LRRC4C: variants seen among roughly 807,000 people sequenced by gnomAD.
The protein encoded by LRRC4C is leucine-rich repeat-containing protein 4C.
Under a neutral mutation model 33.6 loss-of-function variants are expected in LRRC4C, and 5 were observed. The observed-to-expected ratio is 0.15, with a 90% confidence interval of 0.08 to 0.31. The LOEUF is 0.31. Among genes scored for constraint, LRRC4C ranks in the 10% least tolerant of loss-of-function variants. The pLI is 1.00. For missense variants in LRRC4C, 560 were observed against 796.7 expected (o/e 0.70, Z 3.58); for synonymous variants, 329 against 302.0 (o/e 1.09, Z -0.93).
intron 3 of LRRC4C, among the ~76,000 whole-genome samples, chr11:40,554,656 C>T (rs1460922461): frequency 6.6e-6 from 1 of 151,180 alleles, no homozygotes; most frequent in Non-Finnish European, 1.5e-5. Flanking sequence ...TTTTGTAGCT[C>T]TCCTTGTAAA....
At chr11:40,576,337 G>T (rs1336518449) in intron 3 of LRRC4C, among the ~76,000 whole-genome samples, 4 of 152,148 alleles carry the variant, frequency 2.6e-5, no homozygotes, top group Non-Finnish European at 4.4e-5. Context: ...CAAGACCTTT[G>T]GTCACTGTCT....
At chr11:40,584,282 T>G (rs571958619) in intron 3 of LRRC4C, among the ~76,000 whole-genome samples, 2 of 148,634 alleles carry the variant, frequency 1.3e-5, no homozygotes, top group East Asian at 4.1e-4. Flanking sequence ...CTATGACCTC[T>G]ATCATCCAGA....
At chr11:41,150,274 T>C (rs1053849915) in intron 1 of LRRC4C, among the ~76,000 whole-genome samples, 3 of 152,216 alleles carry the variant, frequency 2.0e-5, no homozygotes, top group African/African-American at 7.2e-5. Flanking sequence ...TATGAATGCC[T>C]ACTTAAACTT....
At chr11:40,495,007 T>C (rs1270672249) in intron 3 of LRRC4C, among the ~76,000 whole-genome samples, 3 of 152,210 alleles carry the variant, frequency 2.0e-5, no homozygotes, top group Non-Finnish European at 2.9e-5. Flanking sequence ...ACACATAAAG[T>C]TCAGCACAGT....
chr11:40,592,406 G>T (rs1219191743), intron 3 of LRRC4C, among the ~76,000 whole-genome samples: 1 of 152,140 alleles, frequency 6.6e-6, no homozygotes, highest in African/African-American at 2.4e-5. Flanking sequence ...CTGGGATGGG[G>T]CCTGAAAATT....
intron 1 of LRRC4C, among the ~76,000 whole-genome samples, chr11:40,948,249 C>T (rs1958501886): frequency 2.6e-5 from 4 of 152,134 alleles, no homozygotes; most frequent in Non-Finnish European, 1.5e-5. Flanking sequence ...TTTACCTGGA[C>T]TCATATTCAT....
intron 3 of LRRC4C, among the ~76,000 whole-genome samples, chr11:40,420,096 G>A (rs1026725331): frequency 6.6e-6 from 1 of 152,336 alleles, no homozygotes; most frequent in Admixed American, 6.5e-5. Flanking sequence ...ATTATTAAAT[G>A]AAAGGAATGA....
chr11:40,320,990 T>C (rs1471625451), intron 3 of LRRC4C, among the ~76,000 whole-genome samples: 1 of 152,218 alleles, frequency 6.6e-6, no homozygotes, highest in Non-Finnish European at 1.5e-5. Flanking sequence ...AAAAAATTAA[T>C]TATCTACCTG....
chr11:40,604,530 G>A (rs886838068), intron 3 of LRRC4C, among the ~76,000 whole-genome samples: 2 of 151,956 alleles, frequency 1.3e-5, no homozygotes, highest in African/African-American at 4.8e-5. Context: ...TAGCGGAAAG[G>A]GTAGGTAGTT....
chr11:41,204,490 C>T lies in LRRC4C; in HGVS notation c.-496+254941G>A, dbSNP rs74915180. Among the ~76,000 whole-genome samples, 1,246 of 152,230 alleles carry T rather than the reference C, an allele frequency of 8.2e-3. 12 individuals carry two copies. Among genetic ancestry groups the T allele is most frequent in the African/African-American group, 0.028 (1,174 of 41,534 alleles). ...AGCCCAGAGATTGTCAGTCAGGCAACATGACTTAGATAGAGACACTGCTTT... is the reference window on the plus strand; with the variant it reads ...AGCCCAGAGATTGTCAGTCAGGCAATATGACTTAGATAGAGACACTGCTTT... On this transcript the variant is annotated intron_variant, in intron 1 of 6. Transcript: ENST00000528697.
rs150303886 is a variant in LRRC4C, at chr11:40,938,933, G to A, written c.-495-5210C>T. Among the ~76,000 whole-genome samples the A allele has an allele frequency of 8.2e-4, 125 of 152,276 alleles. 1 individual carries two copies. The highest frequency in any genetic ancestry group is 2.7e-3 in the African/African-American group (114 of 41,566). On this transcript the variant is annotated intron_variant, in intron 1 of 6. Transcript: ENST00000528697. ...AGAGATCTACTGAAGGTAAGTGGGT[G>A]AGTGGCCACACAGGGCTGGGACAAA...
chr11:40,991,262 T>C (rs1461170574), intron 1 of LRRC4C, among the ~76,000 whole-genome samples: 1 of 151,742 alleles, frequency 6.6e-6, no homozygotes, highest in African/African-American at 2.4e-5. Flanking sequence ...AAATGTGATT[T>C]TTAATACTGT....
chr11:40,370,538 G>T (rs978378134), intron 3 of LRRC4C, among the ~76,000 whole-genome samples: 2 of 152,138 alleles, frequency 1.3e-5, no homozygotes, highest in Non-Finnish European at 2.9e-5. Context: ...AAACTTCATT[G>T]TATGCACTGA....
At chr11:40,993,408 T>A (rs1853727240) in intron 1 of LRRC4C, among the ~76,000 whole-genome samples, 1 of 152,152 alleles carries the variant, frequency 6.6e-6, no homozygotes, top group Admixed American at 6.5e-5. Context: ...ATTTAAAAAT[T>A]AAGAAAAGTT....
intron 5 of LRRC4C, among the ~76,000 whole-genome samples, chr11:40,177,654 G>A (rs894232669): frequency 2.6e-5 from 4 of 152,128 alleles, no homozygotes; most frequent in East Asian, 1.9e-4. Context: ...TGAGCAATTC[G>A]TTCAAAATTT....
intron 3 of LRRC4C, among the ~76,000 whole-genome samples, chr11:40,381,929 A>T (rs1171062082): frequency 6.8e-6 from 1 of 146,354 alleles, no homozygotes; most frequent in Non-Finnish European, 1.5e-5. Context: ...AAACAATCAT[A>T]TGGACAAAAT....
chr11:40,265,823 GA>G, intron 4 of LRRC4C, among the ~76,000 whole-genome samples: 1 of 152,182 alleles, frequency 6.6e-6, no homozygotes, highest in Non-Finnish European at 1.5e-5. Context: ...AATTCACGGT[GA>G]TTTGAGTTGC....
At chr11:40,397,435 A>G (rs767041098) in intron 3 of LRRC4C, among the ~76,000 whole-genome samples, 2 of 152,110 alleles carry the variant, frequency 1.3e-5, no homozygotes, top group African/African-American at 2.4e-5. Context: ...ACGTTTTAAA[A>G]ACTTAGAGAC....
chr11:40,333,218 T>C (rs1946439550), intron 3 of LRRC4C, among the ~76,000 whole-genome samples: 1 of 152,258 alleles, frequency 6.6e-6, no homozygotes, highest in African/African-American at 2.4e-5. Flanking sequence ...TAAGCTCAGT[T>C]TTATTAGTGG....
Sources: allele counts gnomAD v4.1 joint callset (sites outside exome capture counted in the v4.1 genomes callset), GRCh38; gene constraint gnomAD v4.1.1; transcripts MANE v1.5; gene names NCBI Gene and HGNC (gene_info 2026-07-23, HGNC 2026-07-21).